HMGB1: variants seen among roughly 807,000 people sequenced by gnomAD.
The protein encoded by HMGB1 is high mobility group box 1.
For synonymous variants in HMGB1, 81 were observed against 84.0 expected, an observed-to-expected ratio of 0.96 and a Z score of 0.19; for missense variants, 79 against 253.5, an observed-to-expected ratio of 0.31 and a Z score of 4.67.
At chr13:30,532,081 G>A (rs1888508454) in intron 1 of HMGB1, among the ~76,000 whole-genome samples, 1 of 151,974 alleles carries the variant, frequency 6.6e-6, no homozygotes, top group South Asian at 2.1e-4. Flanking sequence ...GCTCACACCT[G>A]TAATCCCAGC....
intron 1 of HMGB1, among the ~76,000 whole-genome samples, chr13:30,590,215 G>A (rs962025067): frequency 2.0e-5 from 3 of 151,994 alleles, no homozygotes; most frequent in African/African-American, 4.8e-5. Flanking sequence ...TGGCCACTGA[G>A]TACTTAGAAT....
rs868556252 is a variant in HMGB1 at position 30,465,180 on chromosome 13, C to A, written c.-15+616G>T. On this transcript the variant is annotated intron_variant, in intron 1 of 4. Coordinates refer to ENST00000341423, the MANE Select transcript of HMGB1 (RefSeq NM_002128.7). ...TTCCAGCGAGCGCAGCGGCGCCGCT[C>A]CCCCCGCCGCCCGGCCGCCGCCGCC... The A allele has an allele frequency of 4.3e-6, 4 of 937,022 alleles. No individual in the cohort carries two copies. The South Asian group carries it at 1.4e-4, about 34-fold the overall frequency. 58.0% of individuals were successfully genotyped at this position (937,022 alleles called of 1,614,324 possible).
In HMGB1 at chr13:30,537,652, CATATATATATATATATATATAT is replaced by C. The variant is rs58424009; in HGVS notation, c.-14-73980_-14-73959del. ...TGGTGGCAATTCATTCATTCTTGTT[CATATATATATATATATATATAT>C]ATATATATATATATATATATATAAA... On this transcript the variant is annotated intron_variant, in intron 1 of 4. Transcript: ENST00000405805. Among the ~76,000 whole-genome samples, 169 of 68,024 alleles carry C rather than the reference CATATATATATATATATATATAT, an allele frequency of 2.5e-3. 2 individuals carry two copies. Among genetic ancestry groups the C allele is most frequent in the African/African-American group, 5.0e-3 (136 of 26,944 alleles). 44.6% of individuals were successfully genotyped at this position (68,024 alleles called of 152,430 possible).
At chr13:30,510,562 T>C (rs17074679) in intron 1 of HMGB1, among the ~76,000 whole-genome samples, 6,844 of 152,260 alleles carry the variant, frequency 0.045, 190 homozygotes, top group Middle Eastern at 0.11. Context: ...CCTTCTGACC[T>C]TGTTGTTGTC....
At chr13:30,503,835 C>G (rs1887793227) in intron 1 of HMGB1, among the ~76,000 whole-genome samples, 1 of 151,960 alleles carries the variant, frequency 6.6e-6, no homozygotes, top group South Asian at 2.1e-4. Flanking sequence ...GGAGTGAGGA[C>G]TGCTTGAGCC....
chr13:30,480,280 G>A (rs1365915345), intron 1 of HMGB1, among the ~76,000 whole-genome samples: 3 of 152,086 alleles, frequency 2.0e-5, no homozygotes, highest in Admixed American at 6.5e-5. Flanking sequence ...TTCAGTCTAC[G>A]TTTCATTTAT....
intron 1 of HMGB1, chr13:30,541,048 A>T (rs73454373): frequency 6.6e-6 from 1 of 151,956 alleles, no homozygotes; most frequent in African/African-American, 2.4e-5. Flanking sequence ...GGATCAAAAA[A>T]TATGTTCATC....
intron 1 of HMGB1, among the ~76,000 whole-genome samples, chr13:30,528,202 C>CA (rs1358468613): frequency 6.6e-6 from 1 of 152,194 alleles, no homozygotes; most frequent in Non-Finnish European, 1.5e-5. Context: ...CCATCGCCAG[C>CA]AAAATGTAAA....
chr13:30,531,642 G>A lies in HMGB1; in HGVS notation c.-14-67948C>T, dbSNP rs560655317. Among the ~76,000 whole-genome samples the A allele has an allele frequency of 1.1e-4, 17 of 152,018 alleles. 2 individuals carry two copies. In the South Asian group the frequency reaches 3.5e-3, roughly 32 times the overall value. ...ACAGCTGGTGCGGTGGCTCACGCCTGTAATCCCAGCACTTTGGGAGGCCGA... is the reference window on the plus strand; with the variant it reads ...ACAGCTGGTGCGGTGGCTCACGCCTATAATCCCAGCACTTTGGGAGGCCGA... On this transcript the variant is annotated intron_variant, in intron 1 of 4. Transcript: ENST00000405805.
chr13:30,610,288 G>A (rs1375023153), intron 1 of HMGB1, among the ~76,000 whole-genome samples: 1 of 152,158 alleles, frequency 6.6e-6, no homozygotes, highest in Non-Finnish European at 1.5e-5. Flanking sequence ...TGTTGCTCAA[G>A]GGTCAATTGT....
At chr13:30,558,514 T>A (rs973104984) in intron 1 of HMGB1, among the ~76,000 whole-genome samples, 2 of 152,206 alleles carry the variant, frequency 1.3e-5, no homozygotes, top group Non-Finnish European at 2.9e-5. Context: ...AAAAGATTTT[T>A]TTTTTAAGAT....
At chr13:30,481,014 T>C (rs943019850) in intron 1 of HMGB1, among the ~76,000 whole-genome samples, 1 of 151,838 alleles carries the variant, frequency 6.6e-6, no homozygotes, top group Non-Finnish European at 1.5e-5. Flanking sequence ...GGTGTAATAT[T>C]AGTCTCTTGA....
intron 1 of HMGB1, among the ~76,000 whole-genome samples, chr13:30,538,371 G>A (rs111808315): frequency 5.5e-4 from 83 of 152,260 alleles, no homozygotes; most frequent in African/African-American, 1.9e-3. Flanking sequence ...GGCTTTGCTG[G>A]ATGCTGGTTT....
At chr13:30,614,873 ATTT>A (rs34422229) in intron 1 of HMGB1, among the ~76,000 whole-genome samples, 3 of 116,142 alleles carry the variant, frequency 2.6e-5, no homozygotes, top group African/African-American at 3.1e-5. Flanking sequence ...TAATTTTTGT[ATTT>A]TTTTTTTTTT....
chr13:30,573,392 A>C lies in HMGB1; in HGVS notation c.-15+43279T>G, dbSNP rs546678279. Among the ~76,000 whole-genome samples, 3 of 152,368 alleles carry C rather than the reference A, an allele frequency of 2.0e-5. No homozygotes were observed. In the South Asian group the frequency reaches 6.2e-4, roughly 32 times the overall value. ...TCTTTATGATTTTCTGATTTTTAGA[A>C]ATCAGAATTGAACTTTTTAATGTGA... is the stretch of plus-strand genomic sequence containing the variant. On this transcript the variant is annotated intron_variant, in intron 1 of 4. Transcript: ENST00000405805.
rs181064019 is a variant in HMGB1 at position 30,532,758 on chromosome 13, C to T, written c.-14-69064G>A. On this transcript the variant is annotated intron_variant, in intron 1 of 4. Transcript: ENST00000405805. Reference sequence around the variant, plus strand: ...TCCTGACCTCAAGTGATCCACCTGCCTCGGCTGGGATTACAGGGGTGAGCC... The same window carrying T: ...TCCTGACCTCAAGTGATCCACCTGCTTCGGCTGGGATTACAGGGGTGAGCC... Among the ~76,000 whole-genome samples the T allele has an allele frequency of 5.2e-3, 797 of 152,156 alleles. 8 individuals are homozygous for T. Among genetic ancestry groups the T allele is most frequent in the Middle Eastern group, 0.014 (4 of 294 alleles).
At position 30,582,726 on chromosome 13, in the gene HMGB1, A is replaced by G. The variant is rs151170059; in HGVS notation, c.-15+33945T>C. 5.9e-5 allele frequency among the ~76,000 whole-genome samples: 9 copies of G among 152,258 alleles called. No homozygotes were observed. In the East Asian group the frequency reaches 1.7e-3, roughly 29 times the overall value. On this transcript the variant is annotated intron_variant, in intron 1 of 4. Transcript: ENST00000405805. ...AGAAGGGCCATAGCTGTTTAAATCA[A>G]TTGGTATATTTGTTATCTAATATAA...
chr13:30,577,508 A>T (rs2137539321), intron 1 of HMGB1, among the ~76,000 whole-genome samples: 1 of 152,292 alleles, frequency 6.6e-6, no homozygotes, highest in Middle Eastern at 3.4e-3. Flanking sequence ...AAGCTGACTC[A>T]TCAGTGACCT....
At chr13:30,519,512 A>C (rs182143515) in intron 1 of HMGB1, among the ~76,000 whole-genome samples, 2 of 148,510 alleles carry the variant, frequency 1.3e-5, no homozygotes, top group African/African-American at 5.0e-5. Flanking sequence ...CGGCTAACAC[A>C]GTGAAACCCT....
Sources: allele counts gnomAD v4.1 joint callset (sites outside exome capture counted in the v4.1 genomes callset), GRCh38; gene constraint gnomAD v4.1.1; transcripts MANE v1.5; gene names NCBI Gene and HGNC (gene_info 2026-07-23, HGNC 2026-07-21).